The following PTPRD variants were observed in gnomAD, a reference collection of about 807,000 sequenced individuals.
The protein encoded by PTPRD is receptor-type tyrosine-protein phosphatase delta.
PTPRD carries 34 observed loss-of-function variants against 214.5 expected under a neutral mutation model. The observed-to-expected ratio is 0.16, with a 90% CI of 0.12 to 0.21. The LOEUF is 0.21. Among genes scored for constraint, PTPRD ranks in the 10% least tolerant of loss-of-function variants. The probability of loss-of-function intolerance (pLI) is 1.00; values close to 1 mark genes in which losing one functional copy is unlikely to be tolerated. For missense variants in PTPRD, 2,545 were observed against 2,398.7 expected (o/e 1.06, Z -1.27); for synonymous variants, 1,128 against 845.7 (o/e 1.33, Z -5.79).
intron 2 of PTPRD, among the ~76,000 whole-genome samples, chr9:10,557,613 T>C (rs2062905754): frequency 6.6e-6 from 1 of 152,136 alleles, no homozygotes; most frequent in Non-Finnish European, 1.5e-5. Flanking sequence ...AAACTTTGAG[T>C]ATATTTCTGT....
At chr9:9,192,275 G>T (rs554109292) in intron 9 of PTPRD, among the ~76,000 whole-genome samples, 1 of 152,146 alleles carries the variant, frequency 6.6e-6, no homozygotes, top group South Asian at 2.1e-4. Flanking sequence ...GAAAGCAGGA[G>T]TGCAGTTCTC....
chr9:8,688,578 A>AAC lies in PTPRD; in HGVS notation c.64+45201_64+45202insGT, dbSNP rs1555139604. Reference sequence around the variant, plus strand: ...AGACTCTGTCTCAAAAAAAAAAAAAAAGAAAAAAATATATATAAGATGGTA... The same window carrying AAC: ...AGACTCTGTCTCAAAAAAAAAAAAAAACAGAAAAAAATATATATAAGATGGTA... On this transcript the variant is annotated intron_variant, in intron 12 of 45. Transcript: ENST00000381196. Among the ~76,000 whole-genome samples the AAC allele has an allele frequency of 9.3e-3, 1,414 of 151,318 alleles. 22 individuals are homozygous for AAC. The highest frequency in any genetic ancestry group is 0.032 in the African/African-American group (1,329 of 41,202).
At position 8,340,354 on chromosome 9, in the gene PTPRD, C is replaced by CACG. The variant is rs1395875869; in HGVS notation, c.5239_5241dup (p.Arg1747dup). On this transcript the variant is annotated inframe_insertion, in exon 42 of 46. Transcript: ENST00000381196. ...GGCCACACACTTACTCTGCCCATTTCACGCAGCTTGGTGAGCATCACAACT... is the reference window on the plus strand; with the variant it reads ...GGCCACACACTTACTCTGCCCATTTCACGACGCAGCTTGGTGAGCATCACAACT... 9 of 1,608,032 alleles carry CACG rather than the reference C, an allele frequency of 5.6e-6. No individual in the cohort carries two copies. The highest frequency in any genetic ancestry group is 7.7e-6 in the Non-Finnish European group (9 of 1,175,716).
chr9:9,984,074 C>T (rs1042977542), intron 4 of PTPRD, among the ~76,000 whole-genome samples: 1 of 151,862 alleles, frequency 6.6e-6, no homozygotes, highest in African/African-American at 2.4e-5. Context: ...TTGTTTTATT[C>T]ATACTGTTTT....
At chr9:10,602,962 G>A (rs1039063957) in intron 2 of PTPRD, among the ~76,000 whole-genome samples, 6 of 151,704 alleles carry the variant, frequency 4.0e-5, no homozygotes, top group Non-Finnish European at 1.5e-5. Context: ...ATTCCACCAT[G>A]CCTCTCATAT....
At chr9:9,713,510 A>G (rs897326538) in intron 7 of PTPRD, among the ~76,000 whole-genome samples, 2 of 152,196 alleles carry the variant, frequency 1.3e-5, no homozygotes, top group Admixed American at 6.5e-5. Flanking sequence ...ACAACAGATT[A>G]TGCCAAGTGC....
intron 3 of PTPRD, among the ~76,000 whole-genome samples, chr9:10,101,751 C>A (rs2098553790): frequency 6.6e-6 from 1 of 151,596 alleles, no homozygotes; most frequent in Non-Finnish European, 1.5e-5. Context: ...GAAAGGTGAC[C>A]TCAACTGTAC....
At chr9:8,598,417 T>A (rs1170975711) in intron 14 of PTPRD, among the ~76,000 whole-genome samples, 1 of 151,772 alleles carries the variant, frequency 6.6e-6, no homozygotes, top group South Asian at 2.1e-4. Flanking sequence ...GCCGAGATCA[T>A]GCCACTGCAC....
intron 2 of PTPRD, among the ~76,000 whole-genome samples, chr9:10,513,394 G>A (rs1478722970): frequency 6.6e-6 from 1 of 152,142 alleles, no homozygotes; most frequent in Non-Finnish European, 1.5e-5. Flanking sequence ...ATGTGGTTAA[G>A]AGTGTTTACT....
At chr9:9,530,640 T>C (rs2075255280) in intron 8 of PTPRD, among the ~76,000 whole-genome samples, 1 of 152,094 alleles carries the variant, frequency 6.6e-6, no homozygotes, top group South Asian at 2.1e-4. Context: ...CATCAATGGA[T>C]GAATGGATAA....
chr9:10,037,029 G>T (rs1006840087), intron 3 of PTPRD, among the ~76,000 whole-genome samples: 2 of 151,856 alleles, frequency 1.3e-5, no homozygotes, highest in Admixed American at 6.6e-5. Flanking sequence ...GGGACTACAG[G>T]TATGTCCCAC....
chr9:9,808,977 G>C (rs1290200840), intron 5 of PTPRD, among the ~76,000 whole-genome samples: 1 of 147,076 alleles, frequency 6.8e-6, no homozygotes, highest in Non-Finnish European at 1.5e-5. Context: ...GTAGAAACAA[G>C]ATCTCACTAT....
intron 5 of PTPRD, among the ~76,000 whole-genome samples, chr9:9,933,554 A>G (rs2087753634): frequency 2.0e-5 from 3 of 151,640 alleles, no homozygotes; most frequent in African/African-American, 7.3e-5. Flanking sequence ...TACACCCAAC[A>G]CAGGAGCACC....
intron 43 of PTPRD, among the ~76,000 whole-genome samples, chr9:8,332,933 C>T (rs1386503355): frequency 6.6e-6 from 1 of 152,126 alleles, no homozygotes; most frequent in Non-Finnish European, 1.5e-5. Context: ...TTTAGATACA[C>T]GTGTGCATGT....
At chr9:10,576,484 G>C (rs754980251) in intron 2 of PTPRD, among the ~76,000 whole-genome samples, 1 of 152,038 alleles carries the variant, frequency 6.6e-6, no homozygotes, top group Non-Finnish European at 1.5e-5. Flanking sequence ...CACGTAAAAG[G>C]CTGACTGTTA....
chr9:8,639,342 G>C (rs1459083912), intron 12 of PTPRD, among the ~76,000 whole-genome samples: 1 of 152,010 alleles, frequency 6.6e-6, no homozygotes, highest in Non-Finnish European at 1.5e-5. Context: ...AAATTTCTAG[G>C]GAATTTCCCT....
chr9:9,520,281 ATTAAGTTATATATATATATT>A (rs2096936451), intron 8 of PTPRD, among the ~76,000 whole-genome samples: 2 of 76,362 alleles, frequency 2.6e-5, no homozygotes, highest in Admixed American at 1.3e-4. Flanking sequence ...ATATATATAT[ATTAAGTTATATATATATATT>A]AAGTTATATA....
intron 10 of PTPRD, among the ~76,000 whole-genome samples, chr9:9,083,818 G>C (rs1032279170): frequency 1.3e-5 from 2 of 152,096 alleles, no homozygotes; most frequent in African/African-American, 2.4e-5. Flanking sequence ...ATCATCACTG[G>C]TTATTACAGT....
At chr9:10,025,033 T>G (rs1313868966) in intron 4 of PTPRD, among the ~76,000 whole-genome samples, 2 of 151,888 alleles carry the variant, frequency 1.3e-5, no homozygotes, top group Non-Finnish European at 1.5e-5. Flanking sequence ...TCTATCATTG[T>G]TGGACATTTG....
Sources: gnomAD v4.1 joint callset for allele counts (sites outside exome capture counted in the v4.1 genomes callset) on GRCh38, gnomAD v4.1.1 for gene constraint, MANE v1.5 for transcripts, NCBI Gene and HGNC (gene_info 2026-07-23, HGNC 2026-07-21) for gene names.